DDX39B: variants seen among roughly 807,000 people sequenced by gnomAD.
DDX39B encodes spliceosome RNA helicase DDX39B.
Under a neutral mutation model 46.4 loss-of-function variants are expected in DDX39B, and 6 were observed. The ratio of observed to expected loss-of-function variants is 0.13; its 90% CI spans 0.07 to 0.26. The LOEUF is 0.26. DDX39B is among the 10% of genes least tolerant of loss of function. The pLI, the probability that DDX39B is intolerant of heterozygous loss-of-function variation, is 1.00. For missense variants in DDX39B, 185 were observed against 553.4 expected (o/e 0.33, Z 6.68); for synonymous variants, 174 against 199.4 (o/e 0.87, Z 1.07).
chr6:31,538,712 T>G, intron 4 of DDX39B, 51 bp downstream of exon 4: 1 of 1,514,238 alleles, frequency 6.6e-7, no homozygotes, highest in Non-Finnish European at 9.0e-7. Flanking sequence ...AAGTTTCTTA[T>G]CCCTCCAACT....
At position 31,534,540 on chromosome 6, in the gene DDX39B, G is replaced by GA. The variant is rs773692752; in HGVS notation, c.735+826dup. ...AAAAAAAACAAAAAAATTTTTTTAA[G>GA]AAAAAAAATCTACCACCCCATTCAG... On this transcript the variant is annotated intron_variant, in intron 6 of 10. Coordinates refer to ENST00000396172, the MANE Select transcript of DDX39B (RefSeq NM_004640.7). This position sits in a 1 kb window ranked among gnomAD's most constrained non-coding sequence, Gnocchi z 5.1. The GA allele has an allele frequency of 4.3e-6, 2 of 468,536 alleles. No individual in the cohort carries two copies. Among genetic ancestry groups the GA allele is most frequent in the African/African-American group, 2.0e-5 (1 of 49,650 alleles). The allele number at this position is 468,536 out of a possible 1,614,324, so 29.0% of individuals were successfully genotyped here.
In DDX39B at chr6:31,534,302, C is replaced by T. The variant is rs141345968; in HGVS notation, c.735+1065G>A. 9 of 319,080 alleles carry T rather than the reference C, an allele frequency of 2.8e-5. No homozygotes were observed. The highest frequency in any genetic ancestry group is 4.6e-5 in the Non-Finnish European group (7 of 153,524). 19.8% of individuals were successfully genotyped at this position (319,080 alleles called of 1,614,324 possible). On this transcript the variant is annotated intron_variant, in intron 6 of 10. Transcript: ENST00000396172. The surrounding 1 kb of genome is among the most constrained non-coding windows in gnomAD (Gnocchi z 5.1). ...GGTGAGCCACCAGGCCCAGCCAAGG[C>T]AGGCTTTCTAAAGAGAAGTTCCATG...
rs1391367158 is a variant in DDX39B, at chr6:31,535,296, A to C, written c.735+71T>G. On this transcript the variant is annotated intron_variant, in intron 6 of 10. Transcript: ENST00000396172. The surrounding 1 kb of genome is among the most constrained non-coding windows in gnomAD (Gnocchi z 4.6). Reference sequence around the variant, plus strand: ...GGCACTTGAATGACAAGGGAGTCTGAGGAAGAGGGCGAGGAAGGGGAGGAG... The same window carrying C: ...GGCACTTGAATGACAAGGGAGTCTGCGGAAGAGGGCGAGGAAGGGGAGGAG... 1.4e-6 allele frequency: 2 copies of C among 1,443,322 alleles called. No individual in the cohort carries two copies. The highest frequency in any genetic ancestry group is 1.9e-6 in the Non-Finnish European group (2 of 1,025,712). The allele number at this position is 1,443,322 out of a possible 1,614,324, so 89.4% of individuals were successfully genotyped here.
intron 4 of DDX39B, among the ~76,000 whole-genome samples, chr6:31,537,168 G>A (rs772669536): frequency 5.3e-5 from 8 of 152,166 alleles, no homozygotes; most frequent in African/African-American, 1.4e-4. Context: ...GCTCACGCCT[G>A]TAATCCCAGC....
Position 31,538,786 on chromosome 6 carries a change from A to T in DDX39B, c.409T>A (p.Ser137Thr). The T allele has an allele frequency of 6.2e-7, 1 of 1,613,914 alleles. No individual in the cohort carries two copies. The highest frequency in any genetic ancestry group is 2.2e-5 in the East Asian group (1 of 44,892). The change falls in exon 4 of 11, where the codon TCT (serine) becomes ACT (threonine). Residue 137 changes from serine (S) to threonine (T), a missense_variant. Physicochemically the swap from Ser to Thr is moderately conservative, Grantham distance 58. Transcript: ENST00000396172. Reference sequence around the variant, plus strand: ...ACCTTGACATTGGGCATGTATTTAGAGAAGCGCTCATATTCCTTGCTGATC... The same window carrying T: ...ACCTTGACATTGGGCATGTATTTAGTGAAGCGCTCATATTCCTTGCTGATC... ...FQISKEYERF[S>T]KYMPNVKVAV... is the part of the protein sequence containing the mutation.
Position 31,530,877 on chromosome 6 carries a change from A to G in DDX39B, c.1172T>C (p.Val391Ala). 6.2e-7 allele frequency: 1 copy of G among 1,614,158 alleles called. No individual in the cohort carries two copies. The highest frequency in any genetic ancestry group is 8.5e-7 in the Non-Finnish European group (1 of 1,180,038). ...GATCTTGGCATCATTCTCATCGGACACAAATGTGATAGCCAAGCCCTTGGT... is the reference window on the plus strand; with the variant it reads ...GATCTTGGCATCATTCTCATCGGACGCAAATGTGATAGCCAAGCCCTTGGT... ...FGTKGLAITF[V>A]SDENDAKILN... The change falls in exon 10 of 11, where the codon GTG becomes GCG. Residue 391 changes from valine to alanine, a missense_variant. Around this residue, in one of 5 missense-constraint regions of DDX39B, gnomAD observed 22 missense variants for 52.3 expected, o/e 0.42. Transcript: ENST00000396172. The surrounding 1 kb of genome is among the most constrained non-coding windows in gnomAD (Gnocchi z 4.5).
At position 31,531,678 on chromosome 6, in the gene DDX39B, T is replaced by C; in HGVS notation, c.868-273A>G. On this transcript the variant is annotated intron_variant, in intron 7 of 10. Transcript: ENST00000396172. This position sits in a 1 kb window ranked among gnomAD's most constrained non-coding sequence, Gnocchi z 5.8. ...GCTAGGAGATGAGGATGAGATCACC[T>C]CATGAAAAAGTGATAAAAAACTAGA... 1 of 461,572 alleles carries C rather than the reference T, an allele frequency of 2.2e-6. No homozygotes were observed. The highest frequency in any genetic ancestry group is 3.8e-5 in the South Asian group (1 of 26,522). The allele number at this position is 461,572 out of a possible 1,614,324, so 28.6% of individuals were successfully genotyped here.
chr6:31,541,620 C>T (rs1366797480), intron 1 of DDX39B: 1 of 478,016 alleles, frequency 2.1e-6, no homozygotes, highest in Admixed American at 2.3e-5. Context: ...AAGAGCCCCG[C>T]CCTCCGCAAA....
Position 31,531,522 on chromosome 6 carries a change from C to T in DDX39B, c.868-117G>A. ...AATTACGTTCTCAGGAATTCCTCTT[C>T]ATTTCTCTTATTCCCCCACTATATA... On this transcript the variant is annotated intron_variant, in intron 7 of 10. Coordinates refer to ENST00000396172, the MANE Select transcript of DDX39B (RefSeq NM_004640.7). This position sits in a 1 kb window ranked among gnomAD's most constrained non-coding sequence, Gnocchi z 5.8. 1.3e-6 allele frequency: 1 copy of T among 799,842 alleles called. No homozygotes were observed. The highest frequency in any genetic ancestry group is 1.7e-5 in the South Asian group (1 of 60,034). 49.5% of individuals were successfully genotyped at this position (799,842 alleles called of 1,614,324 possible).
intron 4 of DDX39B, among the ~76,000 whole-genome samples, chr6:31,538,433 G>A (rs3093974): frequency 0.37 from 56,730 of 152,046 alleles, 11,024 homozygotes; most frequent in African/African-American, 0.49. Flanking sequence ...TGAGATTACA[G>A]GTGTAAGCCA....
Position 31,531,538 on chromosome 6 carries a change from C to A in DDX39B, c.868-133G>T. 1 of 736,790 alleles carries A rather than the reference C, an allele frequency of 1.4e-6. No homozygotes were observed. The highest frequency in any genetic ancestry group is 1.8e-5 in the South Asian group (1 of 55,978). The allele number at this position is 736,790 out of a possible 1,614,324, so 45.6% of individuals were successfully genotyped here. On this transcript the variant is annotated intron_variant, in intron 7 of 10. Transcript: ENST00000396172. This position sits in a 1 kb window ranked among gnomAD's most constrained non-coding sequence, Gnocchi z 5.8. ...ATTCCTCTTCATTTCTCTTATTCCC[C>A]CACTATATATTTAGAGCAGAAAAGG...
rs1433361535 is a variant in DDX39B at position 31,540,571 on chromosome 6, A to G, written c.-39T>C. On this transcript the variant is annotated 5_prime_UTR_variant, in exon 2 of 11. Coordinates refer to ENST00000396172, the MANE Select transcript of DDX39B (RefSeq NM_004640.7). Reference sequence around the variant, plus strand: ...GGGGAAGAAGGGAAGGGGGATCTGGATGGGTTCTCGCAAAATAGGTGAAAA... The same window carrying G: ...GGGGAAGAAGGGAAGGGGGATCTGGGTGGGTTCTCGCAAAATAGGTGAAAA... The G allele has an allele frequency of 1.6e-5, 26 of 1,607,986 alleles. No homozygotes were observed. Among genetic ancestry groups the G allele is most frequent in the African/African-American group, 2.7e-5 (2 of 74,792 alleles).
chr6:31,530,467 G>GC lies in DDX39B; in HGVS notation c.1271-18dup, dbSNP rs9281523. On this transcript the variant is annotated splice_polypyrimidine_tract_variant and intron_variant, in intron 10 of 10. Coordinates refer to ENST00000396172, the MANE Select transcript of DDX39B (RefSeq NM_004640.7). This position sits in a 1 kb window ranked among gnomAD's most constrained non-coding sequence, Gnocchi z 4.5. ...TCTGTTCAACTGAGAAGAAAACGTA[G>GC]CATGGTCAGAATAAGGCATGAAAAG... 182,074 of 1,612,418 alleles carry GC rather than the reference G, an allele frequency of 0.11. 11,986 individuals carry two copies. The highest frequency in any genetic ancestry group is 0.13 in the Non-Finnish European group (152,406 of 1,179,614).
chr6:31,536,501 G>A lies in DDX39B; in HGVS notation c.615C>T (p.Leu205=), dbSNP rs773509777. Residue 205 remains leucine (L), a splice_region_variant and synonymous_variant, in exon 5 of 11, where the codon CTC becomes CTT. Transcript: ENST00000396172. ...CCAAGCCCCAGCACTGCCACTCACC[G>A]AGCTGTTCAAGCATCTTATCACATT... The part of the protein sequence containing the change: ...LDECDKMLEQ[L]DMRRDVQEIF... 11 of 1,613,142 alleles carry A rather than the reference G, an allele frequency of 6.8e-6. No homozygotes were observed. The highest frequency in any genetic ancestry group is 4.4e-5 in the South Asian group (4 of 91,070).
At chr6:31,537,517 T>G (rs113830432) in intron 4 of DDX39B, among the ~76,000 whole-genome samples, 1 of 152,184 alleles carries the variant, frequency 6.6e-6, no homozygotes, top group Non-Finnish European at 1.5e-5. Flanking sequence ...TAAGGTTTCC[T>G]AAATAAACCC....
In DDX39B at chr6:31,535,167, C is replaced by T; in HGVS notation, c.735+200G>A. 3.2e-6 allele frequency: 2 copies of T among 616,926 alleles called. No homozygotes were observed. Among genetic ancestry groups the T allele is most frequent in the Non-Finnish European group, 2.9e-6 (1 of 342,872 alleles). 38.2% of individuals were successfully genotyped at this position (616,926 alleles called of 1,614,324 possible). A position where few individuals can be genotyped will look rare whatever the true frequency, so the allele number is the denominator to read the frequency against. On this transcript the variant is annotated intron_variant, in intron 6 of 10. Transcript: ENST00000396172. This position sits in a 1 kb window ranked among gnomAD's most constrained non-coding sequence, Gnocchi z 4.6. ...CTCACATTAACCCGACCAAGTCTTC[C>T]GGAGTTTCCCTGGCACCCGCGCAGG...
At position 31,530,909 on chromosome 6, in the gene DDX39B, C is replaced by A. The variant is rs1767084899; in HGVS notation, c.1140G>T (p.Arg380=). The change falls in exon 10 of 11, where the codon CGG becomes CGT. Residue 380 remains arginine (R), a synonymous_variant. Transcript: ENST00000396172. This position sits in a 1 kb window ranked among gnomAD's most constrained non-coding sequence, Gnocchi z 4.5. The part of the protein sequence containing the change: ...TYLHRVARAG[R]FGTKGLAITF... ...TGATAGCCAAGCCCTTGGTGCCAAA[C>A]CGGCCTGCTCTGGCCACCTGGAGGG... is the stretch of plus-strand genomic sequence containing the variant. 6.2e-7 allele frequency: 1 copy of A among 1,614,006 alleles called. No individual in the cohort carries two copies. Among genetic ancestry groups the A allele is most frequent in the Admixed American group, 1.7e-5 (1 of 59,998 alleles).
chr6:31,538,730 C>G (rs1344574265), intron 4 of DDX39B, 33 bp downstream of exon 4: 20 of 1,585,478 alleles, frequency 1.3e-5, no homozygotes, highest in Non-Finnish European at 1.6e-5. Context: ...ACTTGCCACA[C>G]CCTCACTCTC....
At chr6:31,538,338 TAG>T (rs1388716261) in intron 4 of DDX39B, among the ~76,000 whole-genome samples, 1 of 152,064 alleles carries the variant, frequency 6.6e-6, no homozygotes, top group South Asian at 2.1e-4. Context: ...GCATTTTTAG[TAG>T]AGAGAGGGTT....
Sources: gnomAD v4.1 joint callset for allele counts (sites outside exome capture counted in the v4.1 genomes callset) on GRCh38, gnomAD v4.1.1 for gene constraint, gnomAD v4.1.1 regional missense constraint, Gnocchi (gnomAD v3.1) non-coding constraint, MANE v1.5 for transcripts, NCBI Gene and HGNC (gene_info 2026-07-23, HGNC 2026-07-21) for gene names.